Variants in EVA1A observed in about 807,000 individuals in gnomAD.
The protein encoded by EVA1A is protein eva-1 homolog A.
A neutral mutation model predicts 9.8 loss-of-function variants in EVA1A; 7 were observed. That is an observed-to-expected ratio of 0.71 (90% CI 0.41 to 1.34). The LOEUF is 1.34. EVA1A is among the 40% of genes most tolerant of loss of function. EVA1A has a pLI of 0.01. For missense variants in EVA1A, 206 were observed against 205.9 expected (o/e 1.00, Z 0.00); for synonymous variants, 90 against 85.6 (o/e 1.05, Z -0.28).
At chr2:75,545,028 T>G (rs185975137) in intron 1 of EVA1A, among the ~76,000 whole-genome samples, 3 of 152,364 alleles carry the variant, frequency 2.0e-5, no homozygotes, top group Admixed American at 2.0e-4. Context: ...TTTCATTAAC[T>G]GTATGTTAAA....
At chr2:75,560,232 C>A (rs912348616) in intron 1 of EVA1A, among the ~76,000 whole-genome samples, 1 of 152,110 alleles carries the variant, frequency 6.6e-6, no homozygotes, top group African/African-American at 2.4e-5. Flanking sequence ...TGGCTGCCTC[C>A]GAAACAAACC....
At chr2:75,562,365 T>C (rs1285580392), upstream of EVA1A, among the ~76,000 whole-genome samples, 1 of 152,202 alleles carries the variant, frequency 6.6e-6, no homozygotes. Context: ...GATGATCTCA[T>C]ACAGCCAGAG....
intron 3 of EVA1A, among the ~76,000 whole-genome samples, chr2:75,506,485 T>C (rs1167186912): frequency 6.6e-6 from 1 of 152,216 alleles, no homozygotes; most frequent in Non-Finnish European, 1.5e-5. Context: ...GGGGTGGTAC[T>C]GGAGGCGTGG....
intron 1 of EVA1A, among the ~76,000 whole-genome samples, chr2:75,529,272 T>C (rs1449889864): frequency 6.6e-6 from 1 of 152,066 alleles, no homozygotes; most frequent in African/African-American, 2.4e-5. Context: ...ACCTAAGAAA[T>C]GAGATAGACA....
intron 1 of EVA1A, among the ~76,000 whole-genome samples, chr2:75,531,395 A>G (rs578002154): frequency 5.4e-4 from 83 of 152,306 alleles, no homozygotes; most frequent in Middle Eastern, 3.4e-3. Flanking sequence ...CAACCTCACT[A>G]CTGAGCATCT....
At chr2:75,497,185 G>A (rs1674241630) in intron 3 of EVA1A, among the ~76,000 whole-genome samples, 1 of 152,112 alleles carries the variant, frequency 6.6e-6, no homozygotes, top group Non-Finnish European at 1.5e-5. Flanking sequence ...AAATGGACAA[G>A]TAGGATCTAA....
chr2:75,549,348 G>A (rs1676449320), intron 1 of EVA1A, among the ~76,000 whole-genome samples: 1 of 152,186 alleles, frequency 6.6e-6, no homozygotes, highest in Admixed American at 6.5e-5. Flanking sequence ...CAGCATCCCA[G>A]CCACACCTTC....
rs73938929 is a variant in EVA1A, at chr2:75,516,763, T to C, written c.85+1293A>G. Among the ~76,000 whole-genome samples, 1,426 of 152,296 alleles carry C rather than the reference T, an allele frequency of 9.4e-3. 21 individuals carry two copies. The highest frequency in any genetic ancestry group is 0.033 in the African/African-American group (1,360 of 41,568). On this transcript the variant is annotated intron_variant, in intron 3 of 3. Coordinates refer to ENST00000393913, the MANE Select transcript of EVA1A (RefSeq NM_001135032.2). ...ACCCTCTCTGCCAGCCCCACTTCAT[T>C]TGGGGGATAGCTTCACTACAGAGCT...
At chr2:75,564,658 T>G (rs1676993246), upstream of EVA1A, among the ~76,000 whole-genome samples, 1 of 152,180 alleles carries the variant, frequency 6.6e-6, no homozygotes, top group South Asian at 2.1e-4. Flanking sequence ...AATGTCGTGA[T>G]GACAAGATTT....
At chr2:75,554,426 T>C (rs1252732959) in intron 1 of EVA1A, among the ~76,000 whole-genome samples, 1 of 152,116 alleles carries the variant, frequency 6.6e-6, no homozygotes, top group Non-Finnish European at 1.5e-5. Context: ...CAGCCTCAGA[T>C]GCCAGGCTGG....
chr2:75,507,110 C>T (rs1674644140), intron 3 of EVA1A, among the ~76,000 whole-genome samples: 1 of 152,212 alleles, frequency 6.6e-6, no homozygotes, highest in African/African-American at 2.4e-5. Flanking sequence ...CAGAGCCTCC[C>T]ATCAAGACAT....
At chr2:75,561,691 A>G (rs1334749820), upstream of EVA1A, among the ~76,000 whole-genome samples, 1 of 152,198 alleles carries the variant, frequency 6.6e-6, no homozygotes, top group Non-Finnish European at 1.5e-5. Context: ...AGAGCCTTCT[A>G]CAGAATCAAA....
chr2:75,508,461 T>C (rs1308953691), intron 3 of EVA1A, among the ~76,000 whole-genome samples: 1 of 152,134 alleles, frequency 6.6e-6, no homozygotes, highest in Admixed American at 6.5e-5. Flanking sequence ...CCCAGGCTTA[T>C]TAGGAAAAGG....
At position 75,513,864 on chromosome 2, in the gene EVA1A, A is replaced by C. The variant is rs183483514; in HGVS notation, c.85+4192T>G. ...ACCACCTACCTCCAGACTTCTTACTATGTGGGTAAGATAACGTCTATGTGT... is the reference window on the plus strand; with the variant it reads ...ACCACCTACCTCCAGACTTCTTACTCTGTGGGTAAGATAACGTCTATGTGT... On this transcript the variant is annotated intron_variant, in intron 3 of 3. Transcript: ENST00000393913. Among the ~76,000 whole-genome samples, 392 of 152,288 alleles carry C rather than the reference A, an allele frequency of 2.6e-3. 8 individuals carry two copies. Among genetic ancestry groups the C allele is most frequent in the African/African-American group, 7.6e-3 (314 of 41,566 alleles).
chr2:75,554,858 T>C (rs1021448710), intron 1 of EVA1A, among the ~76,000 whole-genome samples: 2 of 152,210 alleles, frequency 1.3e-5, no homozygotes, highest in Non-Finnish European at 2.9e-5. Flanking sequence ...CCTGGCTGGA[T>C]TGAGTCTTCT....
intron 1 of EVA1A, among the ~76,000 whole-genome samples, chr2:75,524,735 C>T (rs556759030): frequency 2.5e-4 from 38 of 152,214 alleles, no homozygotes; most frequent in South Asian, 4.2e-4. Flanking sequence ...TTCCTCCCTT[C>T]CATCTCATTC....
intron 1 of EVA1A, among the ~76,000 whole-genome samples, chr2:75,548,071 CCT>C (rs1243050683): frequency 6.6e-6 from 1 of 152,212 alleles, no homozygotes; most frequent in Non-Finnish European, 1.5e-5. Context: ...CAGTGACTTG[CCT>C]CTCATAAAAA....
Position 75,493,478 on chromosome 2 carries a change from G to C in EVA1A, c.217C>G (p.Gln73Glu). Residue 73 changes from glutamine (Q) to glutamate (E), a missense_variant, in exon 4 of 4, where the codon CAG becomes GAG. Gln to Glu is a conservative substitution (Grantham distance 29). Transcript: ENST00000393913. ...CRRRPGKKFL[Q>E]DRESSSDSSD... ...CTGTCGCTGCTGCTCTCTCTGTCCT[G>C]CAGGAACTTCTTCCCGGGACGCCGC... 1 of 1,614,200 alleles carries C rather than the reference G, an allele frequency of 6.2e-7. No homozygotes were observed. The highest frequency in any genetic ancestry group is 2.2e-5 in the East Asian group (1 of 44,888).
chr2:75,539,818 G>C (rs968386959), intron 1 of EVA1A, among the ~76,000 whole-genome samples: 2 of 152,154 alleles, frequency 1.3e-5, no homozygotes, highest in African/African-American at 4.8e-5. Flanking sequence ...TAAGGTCTTG[G>C]GATGGGGTCA....
Sources: gnomAD v4.1 joint callset for allele counts (sites outside exome capture counted in the v4.1 genomes callset) on GRCh38, gnomAD v4.1.1 for gene constraint, MANE v1.5 for transcripts, NCBI Gene and HGNC (gene_info 2026-07-23, HGNC 2026-07-21) for gene names.